Variants in PCDHA2 observed in about 807,000 individuals in gnomAD.
PCDHA2 encodes protocadherin alpha-2.
A neutral mutation model predicts 66.0 loss-of-function variants in PCDHA2; 58 were observed. That is an observed-to-expected ratio of 0.88 (90% confidence interval 0.71 to 1.09). The LOEUF (loss-of-function observed/expected upper bound fraction) is 1.09. Ranked by LOEUF, PCDHA2 falls within the 50% of genes least tolerant of loss-of-function variation. The probability of loss-of-function intolerance (pLI) is 0.00; values close to 1 mark genes in which losing one functional copy is unlikely to be tolerated. For missense variants in PCDHA2, 1,267 were observed against 1,242.3 expected (o/e 1.02, Z -0.30); for synonymous variants, 634 against 554.0 (o/e 1.14, Z -2.03).
Position 140,856,457 on chromosome 5 carries a change from C to T in PCDHA2, c.2388+59105C>T, listed in dbSNP as rs1383276232. On this transcript the variant is annotated intron_variant, in intron 1 of 3. Coordinates refer to ENST00000526136, the MANE Select transcript of PCDHA2 (RefSeq NM_018905.3). ...CCCGCCCAGGTTCTCCGTAACAGAACAAAAGCTCTCAATACCTGAATCCAG... is the reference window on the plus strand; with the variant it reads ...CCCGCCCAGGTTCTCCGTAACAGAATAAAAGCTCTCAATACCTGAATCCAG... 12 of 1,598,330 alleles carry T rather than the reference C, an allele frequency of 7.5e-6. 1 individual carries two copies. The highest frequency in any genetic ancestry group is 1.0e-5 in the Non-Finnish European group (12 of 1,167,902).
At chr5:140,811,875 G>A (rs2126632591) in intron 1 of PCDHA2, 88,460 of 151,964 alleles carry the variant, frequency 0.58, 26,461 homozygotes, top group African/African-American at 0.72. Flanking sequence ...AATGTGTTTA[G>A]GTTCTTTGTA....
intron 1 of PCDHA2, chr5:140,856,542 C>T (rs1229307542): frequency 6.3e-7 from 1 of 1,598,136 alleles, no homozygotes; most frequent in Non-Finnish European, 8.6e-7. Flanking sequence ...GGAGAGAACG[C>T]ATTGCTTACT....
chr5:140,879,003 G>C (rs781827510), intron 1 of PCDHA2, among the ~76,000 whole-genome samples: 1 of 152,144 alleles, frequency 6.6e-6, no homozygotes, highest in African/African-American at 2.4e-5. Flanking sequence ...GTATGCCCTA[G>C]AAATCAGATA....
intron 1 of PCDHA2, among the ~76,000 whole-genome samples, chr5:140,844,789 C>A (rs2150373812): frequency 6.7e-6 from 1 of 149,202 alleles, no homozygotes; most frequent in African/African-American, 2.4e-5. Flanking sequence ...TGGTATCTTT[C>A]AACATTTTCT....
intron 1 of PCDHA2, among the ~76,000 whole-genome samples, chr5:140,839,198 C>A (rs1030704020): frequency 1.9e-5 from 2 of 106,890 alleles, no homozygotes; most frequent in African/African-American, 9.0e-5. Context: ...CTATAAATAT[C>A]TTTGACCTTC....
chr5:140,809,648 G>T, intron 1 of PCDHA2: 1 of 1,499,082 alleles, frequency 6.7e-7, no homozygotes, highest in Non-Finnish European at 8.9e-7. Flanking sequence ...TTATTTCTAA[G>T]AGTCAAATTT....
chr5:140,913,960 T>A (rs114058923), intron 1 of PCDHA2, among the ~76,000 whole-genome samples: 2,762 of 152,276 alleles, frequency 0.018, 70 homozygotes, highest in African/African-American at 0.054. Context: ...ATATCATTTT[T>A]AAAAAAATAT....
intron 1 of PCDHA2, chr5:140,875,239 A>G (rs1008116554): frequency 1.1e-6 from 1 of 915,946 alleles, no homozygotes; most frequent in Non-Finnish European, 1.5e-6. Flanking sequence ...TCTTGTACTT[A>G]CATAATCAGT....
At position 140,797,109 on chromosome 5, in the gene PCDHA2, G is replaced by T. The variant is rs781983220; in HGVS notation, c.2145G>T (p.Val715=). 2.5e-5 allele frequency: 40 copies of T among 1,613,902 alleles called. No homozygotes were observed. The South Asian group carries it at 4.4e-4, about 18-fold the overall frequency. ...CAVSSLLVLT[V]LLYTALRCSV... ...TATCCAGCCTGTTGGTGCTCACGGT[G>T]CTGCTGTACACTGCGCTGCGGTGCT... Residue 715 remains valine, a synonymous_variant, in exon 1 of 4, where the codon GTG becomes GTT. Transcript: ENST00000526136.
chr5:140,795,460 G>A lies in PCDHA2; in HGVS notation c.496G>A (p.Ala166Thr). 1 of 1,614,150 alleles carries A rather than the reference G, an allele frequency of 6.2e-7. No homozygotes were observed. Among genetic ancestry groups the A allele is most frequent in the Non-Finnish European group, 8.5e-7 (1 of 1,180,020 alleles). ...GASDADIGVN[A>T]LLSYKLSSSE... ...ATCTGATGCAGATATAGGAGTAAAT[G>A]CTCTTCTCTCCTACAAGCTCAGCTC... is the stretch of plus-strand genomic sequence containing the variant. The change falls in exon 1 of 4, where the codon GCT becomes ACT. Residue 166 changes from alanine (A) to threonine (T), a missense_variant. Ala to Thr is a moderately conservative substitution (Grantham distance 58). Coordinates refer to ENST00000526136, the MANE Select transcript of PCDHA2 (RefSeq NM_018905.3).
At chr5:140,909,082 G>T (rs1190064294) in intron 1 of PCDHA2, among the ~76,000 whole-genome samples, 2 of 152,184 alleles carry the variant, frequency 1.3e-5, no homozygotes, top group Non-Finnish European at 2.9e-5. Context: ...CAGTGTGTTT[G>T]CTACTTCTCA....
intron 1 of PCDHA2, among the ~76,000 whole-genome samples, chr5:140,833,632 C>T (rs1228908816): frequency 6.6e-6 from 1 of 152,104 alleles, no homozygotes; most frequent in Non-Finnish European, 1.5e-5. Context: ...ACTTCCTCCT[C>T]AAAAAGTTCA....
chr5:140,847,219 G>A (rs2150398133), intron 1 of PCDHA2, among the ~76,000 whole-genome samples: 4 of 149,610 alleles, frequency 2.7e-5, no homozygotes, highest in African/African-American at 9.8e-5. Context: ...GAATTAATTG[G>A]GAGCTATTTA....
chr5:140,875,986 T>C, intron 1 of PCDHA2: 1 of 1,613,998 alleles, frequency 6.2e-7, no homozygotes, highest in East Asian at 2.2e-5. Context: ...GACCTATGCG[T>C]TAAGTCTAAA....
intron 1 of PCDHA2, among the ~76,000 whole-genome samples, chr5:140,906,323 A>G (rs1487570044): frequency 1.3e-5 from 2 of 152,212 alleles, no homozygotes; most frequent in Non-Finnish European, 2.9e-5. Context: ...AACATGATAC[A>G]ACTATCCTTC....
At chr5:140,828,295 C>CA in intron 1 of PCDHA2, 1 of 1,614,124 alleles carries the variant, frequency 6.2e-7, no homozygotes, top group Non-Finnish European at 8.5e-7. Context: ...GGATGGCCTC[C>CA]AAAGACCGCG....
Position 140,856,421 on chromosome 5 carries a change from A to T in PCDHA2, c.2388+59069A>T, listed in dbSNP as rs1554148675. 3.8e-6 allele frequency: 6 copies of T among 1,598,490 alleles called. No individual in the cohort carries two copies. In the South Asian group the frequency reaches 6.6e-5, roughly 18 times the overall value. On this transcript the variant is annotated intron_variant, in intron 1 of 3. Coordinates refer to ENST00000526136, the MANE Select transcript of PCDHA2 (RefSeq NM_018905.3). ...CCATGTGGACGTGGAAGTGAAGGACATTAACGACAACCCGCCCAGGTTCTC... is the reference window on the plus strand; with the variant it reads ...CCATGTGGACGTGGAAGTGAAGGACTTTAACGACAACCCGCCCAGGTTCTC...
intron 1 of PCDHA2, among the ~76,000 whole-genome samples, chr5:140,900,333 C>T (rs10071692): frequency 3.3e-5 from 5 of 151,856 alleles, no homozygotes; most frequent in Admixed American, 6.6e-5. Flanking sequence ...GCTGGAGTAC[C>T]GTGGCGCAAT....
chr5:140,841,621 G>C (rs781902727), intron 1 of PCDHA2: 2 of 1,614,032 alleles, frequency 1.2e-6, no homozygotes, highest in African/African-American at 1.3e-5. Context: ...GGCGGAGCGC[G>C]GAGTGCAGCA....
Sources: allele counts gnomAD v4.1 joint callset (sites outside exome capture counted in the v4.1 genomes callset), GRCh38; gene constraint gnomAD v4.1.1; transcripts MANE v1.5; gene names NCBI Gene and HGNC (gene_info 2026-07-23, HGNC 2026-07-21).